Variants in MGAT5 observed in about 807,000 individuals in gnomAD.
MGAT5 encodes the protein alpha-1,6-mannosylglycoprotein 6-beta-N-acetylglucosaminyltransferase, also known as alpha-1,6-mannosylglycoprotein 6-beta-N-acetylglucosaminyltransferase A.
In MGAT5, 30 loss-of-function variants were observed where a neutral mutation model predicts 94.3. That is an observed-to-expected ratio of 0.32 (90% confidence interval 0.24 to 0.43). The LOEUF is 0.43. MGAT5 is among the 20% of genes least tolerant of loss of function. The probability of loss-of-function intolerance (pLI) is 1.00; values close to 1 mark genes in which losing one functional copy is unlikely to be tolerated. For missense variants in MGAT5, 691 were observed against 905.5 expected, an observed-to-expected ratio of 0.76 and a Z score of 3.04; for synonymous variants, 310 against 322.9, an observed-to-expected ratio of 0.96 and a Z score of 0.43.
At chr2:134,192,740 G>A (rs1258668052) in intron 1 of MGAT5, among the ~76,000 whole-genome samples, 1 of 151,794 alleles carries the variant, frequency 6.6e-6, no homozygotes, top group South Asian at 2.1e-4. Context: ...AGTACTGTGG[G>A]ATTATTTAAG....
At chr2:134,154,686 C>T (rs951669487) in intron 1 of MGAT5, among the ~76,000 whole-genome samples, 2 of 152,212 alleles carry the variant, frequency 1.3e-5, no homozygotes, top group Non-Finnish European at 1.5e-5. Flanking sequence ...GAAATGGCCT[C>T]TCCAAGATCC....
chr2:134,342,922 A>G (rs536323957), intron 7 of MGAT5, among the ~76,000 whole-genome samples: 12 of 152,262 alleles, frequency 7.9e-5, no homozygotes, highest in African/African-American at 2.9e-4. Context: ...TTCCAATTCT[A>G]TTGGTGCTAA....
chr2:134,255,546 T>C (rs1324345585), intron 1 of MGAT5, among the ~76,000 whole-genome samples: 1 of 151,566 alleles, frequency 6.6e-6, no homozygotes, highest in Non-Finnish European at 1.5e-5. Context: ...TACATACACA[T>C]ACACACACAA....
intron 1 of MGAT5, among the ~76,000 whole-genome samples, chr2:134,223,629 C>G (rs1171468439): frequency 6.6e-6 from 1 of 152,084 alleles, no homozygotes; most frequent in Non-Finnish European, 1.5e-5. Context: ...GGGCTGAAAT[C>G]TAGTATTAAG....
At chr2:134,295,007 G>A (rs569501091) in intron 2 of MGAT5, among the ~76,000 whole-genome samples, 23 of 152,256 alleles carry the variant, frequency 1.5e-4, no homozygotes, top group Middle Eastern at 3.4e-3. Flanking sequence ...TCCTTTGTTC[G>A]GTGTACTATC....
chr2:134,443,654 T>C (rs991278944), intron 15 of MGAT5, among the ~76,000 whole-genome samples: 2 of 152,216 alleles, frequency 1.3e-5, no homozygotes, highest in Non-Finnish European at 2.9e-5. Flanking sequence ...TGGTCCAGGA[T>C]GTCTGGAAAG....
At chr2:134,169,153 G>A (rs1214251256) in intron 1 of MGAT5, among the ~76,000 whole-genome samples, 1 of 152,196 alleles carries the variant, frequency 6.6e-6, no homozygotes, top group Non-Finnish European at 1.5e-5. Flanking sequence ...TGCTGTGGTA[G>A]AGTAAGAATG....
At chr2:134,346,218 G>C (rs1489348386) in intron 8 of MGAT5, among the ~76,000 whole-genome samples, 3 of 152,082 alleles carry the variant, frequency 2.0e-5, no homozygotes, top group East Asian at 3.9e-4. Flanking sequence ...ACATATCCTC[G>C]CTGTTAAGAA....
chr2:134,289,205 A>G (rs1573713326), intron 2 of MGAT5, among the ~76,000 whole-genome samples: 1 of 152,032 alleles, frequency 6.6e-6, no homozygotes, highest in African/African-American at 2.4e-5. Context: ...CTCTTCCCAC[A>G]TGCCCTTTGC....
intron 10 of MGAT5, among the ~76,000 whole-genome samples, chr2:134,377,818 G>T (rs918708874): frequency 2.0e-5 from 3 of 152,122 alleles, no homozygotes; most frequent in African/African-American, 7.2e-5. Flanking sequence ...GTTAGCCGGA[G>T]CAAAAGGGCC....
chr2:134,385,688 G>A (rs1681926861), intron 10 of MGAT5, among the ~76,000 whole-genome samples: 1 of 152,030 alleles, frequency 6.6e-6, no homozygotes, highest in African/African-American at 2.4e-5. Flanking sequence ...ACGTAAGGTT[G>A]GATATTTATA....
At chr2:134,288,127 G>C (rs553498123) in intron 2 of MGAT5, among the ~76,000 whole-genome samples, 1 of 152,208 alleles carries the variant, frequency 6.6e-6, no homozygotes, top group East Asian at 1.9e-4. Flanking sequence ...ATTTTTGCTG[G>C]TTTGGCATGA....
intron 1 of MGAT5, among the ~76,000 whole-genome samples, chr2:134,178,684 G>A (rs1465668507): frequency 6.6e-6 from 1 of 152,198 alleles, no homozygotes; most frequent in African/African-American, 2.4e-5. Context: ...AGGAAGATAA[G>A]TCGAGGAGTA....
At chr2:134,314,514 T>C (rs1469052701) in intron 2 of MGAT5, among the ~76,000 whole-genome samples, 1 of 151,600 alleles carries the variant, frequency 6.6e-6, no homozygotes, top group African/African-American at 2.4e-5. Context: ...ATAACCTTCC[T>C]ATAGGTTCCT....
rs937944700 is a variant in MGAT5, at chr2:134,451,217, C to T, written c.*2370C>T. ...GTCCCTAAGTTCAAGGCCTCCCTAC[C>T]TTCCCCTTCTTTTCCAAGTCACAAC... On this transcript the variant is annotated 3_prime_UTR_variant, in exon 16 of 16. Transcript: ENST00000281923. 2 of 152,212 alleles carry T rather than the reference C, an allele frequency of 1.3e-5. No homozygotes were observed. The highest frequency in any genetic ancestry group is 4.8e-5 in the African/African-American group (2 of 41,440). 9.4% of individuals were successfully genotyped at this position (152,212 alleles called of 1,614,324 possible). A position where few individuals can be genotyped will look rare whatever the true frequency, so the allele number is the denominator to read the frequency against.
At chr2:134,172,805 A>G (rs748841559) in intron 1 of MGAT5, among the ~76,000 whole-genome samples, 1 of 152,350 alleles carries the variant, frequency 6.6e-6, no homozygotes, top group South Asian at 2.1e-4. Flanking sequence ...GAACATTTAT[A>G]TTTCACAGGC....
upstream of MGAT5, among the ~76,000 whole-genome samples, chr2:134,250,974 T>A (rs1682554341): frequency 6.6e-6 from 1 of 152,194 alleles, no homozygotes; most frequent in African/African-American, 2.4e-5. Context: ...TCCTTTGTTT[T>A]AACTCCATAG....
Position 134,377,455 on chromosome 2 carries a change from A to T in MGAT5, c.1380+15047A>T, listed in dbSNP as rs1234751765. On this transcript the variant is annotated intron_variant, in intron 10 of 15. Transcript: ENST00000281923. ...AGGTCACATGACCATTCTTGGCTGC[A>T]GAGGAGGCCAGGAAAGTTGGGTTGG... Among the ~76,000 whole-genome samples, 5 of 152,228 alleles carry T rather than the reference A, an allele frequency of 3.3e-5. No individual in the cohort carries two copies. In the East Asian group the frequency reaches 9.6e-4, roughly 29 times the overall value.
At chr2:134,219,131 G>A (rs1366536340) in intron 1 of MGAT5, among the ~76,000 whole-genome samples, 1 of 152,176 alleles carries the variant, frequency 6.6e-6, no homozygotes, top group Non-Finnish European at 1.5e-5. Context: ...GGAACCCAGA[G>A]GAAGTAGCAG....
Sources: gnomAD v4.1 joint callset for allele counts (sites outside exome capture counted in the v4.1 genomes callset) on GRCh38, gnomAD v4.1.1 for gene constraint, MANE v1.5 for transcripts, NCBI Gene and HGNC (gene_info 2026-07-23, HGNC 2026-07-21) for gene names.